Variants in EBF1 observed in about 807,000 individuals in gnomAD.
EBF1 encodes transcription factor COE1.
In EBF1, 10 loss-of-function variants were observed where a neutral mutation model predicts 68.4. The observed-to-expected ratio is 0.15, with a 90% CI of 0.09 to 0.25. EBF1 has a LOEUF of 0.25. Ranked by LOEUF, EBF1 falls within the 10% of genes least tolerant of loss-of-function variation. The pLI, the probability that EBF1 is intolerant of heterozygous loss-of-function variation, is 1.00. For synonymous variants in EBF1, 298 were observed against 299.8 expected (o/e 0.99, Z 0.06); for missense variants, 509 against 794.4 (o/e 0.64, Z 4.32).
chr5:158,823,226 C>T lies in EBF1; in HGVS notation c.728G>A (p.Arg243Lys). 6.2e-7 allele frequency: 1 copy of T among 1,613,984 alleles called. No individual in the cohort carries two copies. Among genetic ancestry groups the T allele is most frequent in the Non-Finnish European group, 8.5e-7 (1 of 1,179,936 alleles). ...TTCCGAGGGGTCAAGCCTCCGAGCC[C>T]TCCGCCCATGCTTGGAATTATTATG... ...FVHNNSKHGR[R>K]ARRLDPSEGT... The change falls in exon 8 of 16, where the codon AGG (arginine) becomes AAG (lysine). Residue 243 changes from arginine to lysine, a missense_variant. Arg to Lys is a conservative substitution (Grantham distance 26, BLOSUM62 2). Transcript: ENST00000313708.
At chr5:158,756,256 G>A (rs989629957) in intron 10 of EBF1, among the ~76,000 whole-genome samples, 1 of 152,106 alleles carries the variant, frequency 6.6e-6, no homozygotes, top group East Asian at 1.9e-4. Flanking sequence ...TTCTGACCAA[G>A]TGTGAGAATT....
At chr5:158,956,211 C>T (rs909235036) in intron 6 of EBF1, among the ~76,000 whole-genome samples, 1 of 152,034 alleles carries the variant, frequency 6.6e-6, no homozygotes, top group Non-Finnish European at 1.5e-5. Flanking sequence ...TACTTTGGAG[C>T]GACACGGTGT....
At chr5:158,789,260 C>T (rs1281869858) in intron 9 of EBF1, among the ~76,000 whole-genome samples, 2 of 152,060 alleles carry the variant, frequency 1.3e-5, no homozygotes. Flanking sequence ...ATTTAATCAA[C>T]TTTGAATTAA....
At chr5:158,734,683 T>A (rs1764810286) in intron 10 of EBF1, among the ~76,000 whole-genome samples, 2 of 152,024 alleles carry the variant, frequency 1.3e-5, no homozygotes, top group Non-Finnish European at 2.9e-5. Context: ...ACTAACCAAT[T>A]TTTTTCCCCC....
At chr5:158,855,620 C>T (rs1158070794) in intron 6 of EBF1, among the ~76,000 whole-genome samples, 3 of 152,330 alleles carry the variant, frequency 2.0e-5, no homozygotes, top group East Asian at 1.9e-4. Context: ...CAGTGATCCC[C>T]CTCTCATTCC....
chr5:159,036,162 A>C (rs899378540), intron 6 of EBF1, among the ~76,000 whole-genome samples: 8 of 152,206 alleles, frequency 5.3e-5, no homozygotes, highest in African/African-American at 1.9e-4. Flanking sequence ...GTTGCACTTC[A>C]ACTGCTCAAT....
chr5:158,753,206 A>C (rs1177287446), intron 10 of EBF1, among the ~76,000 whole-genome samples: 2 of 152,126 alleles, frequency 1.3e-5, no homozygotes, highest in African/African-American at 4.8e-5. Flanking sequence ...GCAAGCTAGA[A>C]GGAAAGGATA....
chr5:158,722,077 ATCT>A (rs1211084414), intron 11 of EBF1, among the ~76,000 whole-genome samples: 2 of 152,026 alleles, frequency 1.3e-5, no homozygotes, highest in East Asian at 3.9e-4. Flanking sequence ...CTCTGGCGGG[ATCT>A]TCTTATTCCA....
intron 10 of EBF1, among the ~76,000 whole-genome samples, chr5:158,771,775 A>C (rs563194414): frequency 6.6e-6 from 1 of 152,258 alleles, no homozygotes; most frequent in East Asian, 1.9e-4. Flanking sequence ...GGAGCACCAA[A>C]GTCAGTCCGA....
intron 6 of EBF1, among the ~76,000 whole-genome samples, chr5:158,946,878 C>T (rs1397212412): frequency 6.6e-6 from 1 of 152,210 alleles, no homozygotes; most frequent in East Asian, 1.9e-4. Flanking sequence ...TTCAGAGGTG[C>T]CCTGCCCAGA....
At chr5:158,993,367 T>C (rs1049844385) in intron 6 of EBF1, among the ~76,000 whole-genome samples, 1 of 152,062 alleles carries the variant, frequency 6.6e-6, no homozygotes, top group Non-Finnish European at 1.5e-5. Flanking sequence ...TTAGACTTGT[T>C]AGGGATTGAG....
At chr5:159,047,193 G>A (rs1333544948) in intron 6 of EBF1, among the ~76,000 whole-genome samples, 1 of 152,202 alleles carries the variant, frequency 6.6e-6, no homozygotes, top group Non-Finnish European at 1.5e-5. Flanking sequence ...GAACTGAAGG[G>A]AAAGGGGCTA....
chr5:159,055,905 C>T (rs971682616), intron 6 of EBF1, among the ~76,000 whole-genome samples: 4 of 152,160 alleles, frequency 2.6e-5, no homozygotes, highest in East Asian at 1.9e-4. Flanking sequence ...AGATGCTTCA[C>T]GAACATTTAT....
At chr5:159,096,086 G>A (rs1468789471) in intron 3 of EBF1, among the ~76,000 whole-genome samples, 1 of 152,248 alleles carries the variant, frequency 6.6e-6, no homozygotes, top group Non-Finnish European at 1.5e-5. Context: ...GGAAGGGGAG[G>A]AAGAATGAAA....
intron 6 of EBF1, among the ~76,000 whole-genome samples, chr5:158,965,752 G>A (rs1467524639): frequency 6.6e-6 from 1 of 152,180 alleles, no homozygotes; most frequent in African/African-American, 2.4e-5. Context: ...ATTTCACATA[G>A]TAGTATTTAG....
intron 4 of EBF1, 137 bp downstream of exon 4, chr5:159,095,483 T>C (rs967410693): frequency 5.5e-6 from 5 of 911,152 alleles, no homozygotes; most frequent in African/African-American, 5.0e-5. Flanking sequence ...TGGAAGGCCG[T>C]GCAAGTTTGG....
intron 6 of EBF1, among the ~76,000 whole-genome samples, chr5:158,929,235 G>T (rs1220256334): frequency 6.6e-6 from 1 of 152,180 alleles, no homozygotes; most frequent in African/African-American, 2.4e-5. Flanking sequence ...CGTGTGGCAA[G>T]CAAACAGAGA....
intron 6 of EBF1, among the ~76,000 whole-genome samples, chr5:159,008,661 G>T (rs996733646): frequency 6.6e-6 from 1 of 151,940 alleles, no homozygotes; most frequent in African/African-American, 2.4e-5. Context: ...AAGTAGTTGG[G>T]ATTCTAGGTA....
chr5:158,978,796 A>T (rs1380263666), intron 6 of EBF1, among the ~76,000 whole-genome samples: 3 of 91,940 alleles, frequency 3.3e-5, no homozygotes. Flanking sequence ...ACACACACAC[A>T]TACACACACA....
Sources: allele counts gnomAD v4.1 joint callset (sites outside exome capture counted in the v4.1 genomes callset), GRCh38; gene constraint gnomAD v4.1.1; transcripts MANE v1.5; gene names NCBI Gene and HGNC (gene_info 2026-07-23, HGNC 2026-07-21).